Variants in NLRP13 observed in about 807,000 individuals in gnomAD.
NLRP13 encodes the protein NACHT, LRR and PYD domains-containing protein 13.
In NLRP13, 82 loss-of-function variants were observed where a neutral mutation model predicts 94.4. The ratio of observed to expected loss-of-function variants is 0.87; its 90% confidence interval spans 0.73 to 1.04. The LOEUF (loss-of-function observed/expected upper bound fraction) is 1.04, where lower values mean the gene tolerates loss of function less well. Among genes scored for constraint, NLRP13 ranks in the 50% least tolerant of loss-of-function variants. The pLI, the probability that NLRP13 is intolerant of heterozygous loss-of-function variation, is 0.00. For synonymous variants in NLRP13, 553 were observed against 464.7 expected (o/e 1.19, Z -2.45); for missense variants, 1,426 against 1,230.8 (o/e 1.16, Z -2.37).
At position 55,904,931 on chromosome 19, in the gene NLRP13, G is replaced by A. The variant is rs766494994; in HGVS notation, c.2618+11C>T. 6.2e-7 allele frequency: 1 copy of A among 1,607,838 alleles called. No homozygotes were observed. The highest frequency in any genetic ancestry group is 1.1e-5 in the South Asian group (1 of 90,784). On this transcript the variant is annotated intron_variant, in intron 8 of 10. Coordinates refer to ENST00000342929, the MANE Select transcript of NLRP13 (RefSeq NM_176810.2). ...GAGTCATATCTAGAAATGGAAGTAG[G>A]GAAAACTTACTCCAGTCTCTCTAAG...
intron 1 of NLRP13, among the ~76,000 whole-genome samples, chr19:55,930,901 A>ATATATTTTTTTT (rs1338071833): frequency 3.1e-5 from 3 of 98,286 alleles, no homozygotes; most frequent in African/African-American, 5.8e-5. Context: ...TATATATAAA[A>ATATATTTTTTTT]TTTTAACCAG....
rs1220109397 is a variant in NLRP13, at chr19:55,913,141, C to G, written c.676G>C (p.Ala226Pro). 6.2e-7 allele frequency: 1 copy of G among 1,614,156 alleles called. No homozygotes were observed. The highest frequency in any genetic ancestry group is 1.1e-5 in the South Asian group (1 of 91,082). The change falls in exon 5 of 11, where the codon GCC becomes CCC. Residue 226 changes from alanine to proline, a missense_variant. Ala to Pro is a conservative substitution (Grantham distance 27). Transcript: ENST00000342929. Reference sequence around the variant, plus strand: ...ACCAAGACTATCGTCTGGGCCTGGGCTCTAGTCCTATTAGGATCCAGTAGG... The same window carrying G: ...ACCAAGACTATCGTCTGGGCCTGGGGTCTAGTCCTATTAGGATCCAGTAGG... ...QRLLDPNRTR[A>P]QAQTIVLVGR...
intron 8 of NLRP13, among the ~76,000 whole-genome samples, chr19:55,902,750 AAT>A (rs1986222504): frequency 6.6e-6 from 1 of 152,058 alleles, no homozygotes; most frequent in Non-Finnish European, 1.5e-5. Context: ...TGTATTGCAT[AAT>A]ATGTGTTAAC....
At chr19:55,915,484 G>C (rs949020678) in intron 4 of NLRP13, among the ~76,000 whole-genome samples, 1 of 152,108 alleles carries the variant, frequency 6.6e-6, no homozygotes, top group Non-Finnish European at 1.5e-5. Flanking sequence ...TGTAATCCCA[G>C]CTACTCGGGA....
rs549066864 is a variant in NLRP13, at chr19:55,930,079, C to T, written c.319+1914G>A. On this transcript the variant is annotated intron_variant, in intron 1 of 10. Transcript: ENST00000342929. ...TTTCCACCAGAAGATACACAAAGCC[C>T]GAACTTGTATGACTCCGCATGCCCC... Among the ~76,000 whole-genome samples the T allele has an allele frequency of 5.3e-5, 8 of 152,200 alleles. No homozygotes were observed. The South Asian group carries it at 1.5e-3, about 28-fold the overall frequency.
At chr19:55,925,498 G>A (rs1001714852) in intron 1 of NLRP13, among the ~76,000 whole-genome samples, 1 of 152,184 alleles carries the variant, frequency 6.6e-6, no homozygotes, top group Non-Finnish European at 1.5e-5. Context: ...TGGCTAGTCT[G>A]TTTACGGATT....
intron 4 of NLRP13, among the ~76,000 whole-genome samples, chr19:55,918,583 T>G (rs766850013): frequency 2.0e-5 from 3 of 152,030 alleles, no homozygotes; most frequent in Non-Finnish European, 4.4e-5. Context: ...GATCAGAGAC[T>G]ACTATGGACA....
chr19:55,894,660 G>A (rs1985951318), downstream of NLRP13, among the ~76,000 whole-genome samples: 1 of 152,154 alleles, frequency 6.6e-6, no homozygotes, highest in South Asian at 2.1e-4. Context: ...CAGCATTCAT[G>A]ACAACAGAGA....
At chr19:55,898,576 C>G (rs1207200395) in intron 10 of NLRP13, among the ~76,000 whole-genome samples, 194 bp downstream of exon 10, 1 of 152,164 alleles carries the variant, frequency 6.6e-6, no homozygotes, top group Non-Finnish European at 1.5e-5. Flanking sequence ...AACTCCTGAC[C>G]TCAGGTGATC....
Position 55,912,437 on chromosome 19 carries a change from G to GA in NLRP13, c.1379dup (p.Ser461LeufsTer14), listed in dbSNP as rs746848089. On this transcript the variant is annotated frameshift_variant, in exon 5 of 11. Transcript: ENST00000342929. LOFTEE classifies it high-confidence loss of function. ...CCTCTGCTGTGGAGAACAAGTTGGA[G>GA]AAAAAATAGGCATACAGACTGGTGG... 67 of 1,614,042 alleles carry GA rather than the reference G, an allele frequency of 4.2e-5. No homozygotes were observed. Among genetic ancestry groups the GA allele is most frequent in the Middle Eastern group, 3.3e-4 (2 of 6,084 alleles).
chr19:55,899,037 C>A, intron 9 of NLRP13, 100 bp from the exon 10 acceptor site: 1 of 1,285,684 alleles, frequency 7.8e-7, no homozygotes. Flanking sequence ...AGGAGACACC[C>A]TGAAGCCAGA....
intron 7 of NLRP13, 97 bp from the exon 8 acceptor site, chr19:55,905,209 A>T (rs908875143): frequency 7.9e-7 from 1 of 1,266,750 alleles, no homozygotes; most frequent in Admixed American, 2.3e-5. Context: ...CCCAAACATT[A>T]TGGGAAGATT....
intron 4 of NLRP13, among the ~76,000 whole-genome samples, chr19:55,922,903 CA>C (rs1986867948): frequency 6.6e-6 from 1 of 152,160 alleles, no homozygotes; most frequent in South Asian, 2.1e-4. Flanking sequence ...AAACAAATAT[CA>C]GAAGTAGCCC....
intron 7 of NLRP13, among the ~76,000 whole-genome samples, chr19:55,905,745 G>A (rs954364509): frequency 2.0e-5 from 3 of 152,074 alleles, no homozygotes; most frequent in African/African-American, 7.3e-5. Flanking sequence ...GGACTGCCCT[G>A]TGCATTACAG....
intron 1 of NLRP13, among the ~76,000 whole-genome samples, chr19:55,930,468 C>T (rs1301068206): frequency 6.6e-6 from 1 of 151,730 alleles, no homozygotes; most frequent in African/African-American, 2.4e-5. Flanking sequence ...GGCAAATCAC[C>T]TGAGGTCAGA....
At chr19:55,924,130 T>A (rs1409967200) in intron 3 of NLRP13, 151 bp from the exon 4 acceptor site, 9 of 646,824 alleles carry the variant, frequency 1.4e-5, no homozygotes, top group Non-Finnish European at 2.5e-5. Flanking sequence ...ATATTTTTTA[T>A]TTATTTTTAA....
intron 9 of NLRP13, among the ~76,000 whole-genome samples, chr19:55,900,219 A>C (rs1420985449): frequency 2.7e-5 from 4 of 148,072 alleles, no homozygotes; most frequent in Non-Finnish European, 5.9e-5. Flanking sequence ...ACAAGTGACG[A>C]GGGGAAAAAC....
chr19:55,897,486 AC>A (rs1271952886), intron 10 of NLRP13, among the ~76,000 whole-genome samples: 1 of 152,170 alleles, frequency 6.6e-6, no homozygotes. Flanking sequence ...AGCCTGGGTG[AC>A]AGAGTGAGAC....
intron 1 of NLRP13, among the ~76,000 whole-genome samples, chr19:55,925,527 C>A (rs1184824351): frequency 6.6e-6 from 1 of 152,150 alleles, no homozygotes; most frequent in Non-Finnish European, 1.5e-5. Flanking sequence ...GTGTGTAGAA[C>A]AGTACCCCAC....
Sources: gnomAD v4.1 joint callset for allele counts (sites outside exome capture counted in the v4.1 genomes callset) on GRCh38, gnomAD v4.1.1 for gene constraint, MANE v1.5 for transcripts, NCBI Gene and HGNC (gene_info 2026-07-23, HGNC 2026-07-21) for gene names.